The following RGS6 variants were observed in gnomAD, a reference collection of about 807,000 sequenced individuals.
The protein encoded by RGS6 is regulator of G-protein signaling 6.
In RGS6, 30 loss-of-function variants were observed where a neutral mutation model predicts 78.5. The observed-to-expected ratio is 0.38, with a 90% CI of 0.29 to 0.52. RGS6 has a LOEUF of 0.52. Ranked by LOEUF, RGS6 falls within the 20% of genes least tolerant of loss-of-function variation. RGS6 has a pLI of 0.85. For synonymous variants in RGS6, 206 were observed against 206.0 expected, an observed-to-expected ratio of 1.00 and a Z score of 0.00; for missense variants, 495 against 609.7, an observed-to-expected ratio of 0.81 and a Z score of 1.98.
intron 2 of RGS6, among the ~76,000 whole-genome samples, chr14:72,039,903 A>G (rs1450233784): frequency 4.8e-5 from 6 of 126,038 alleles, no homozygotes; most frequent in Admixed American, 2.9e-4. Flanking sequence ...TGCGGTTGCT[A>G]TGGAGATTAC....
intron 2 of RGS6, among the ~76,000 whole-genome samples, chr14:72,274,386 A>T (rs2060369557): frequency 6.6e-6 from 1 of 152,144 alleles, no homozygotes; most frequent in Non-Finnish European, 1.5e-5. Flanking sequence ...CCATCAGGTC[A>T]TCAGTGACAT....
At chr14:72,589,092 G>T in the RGS6 span, among the ~76,000 whole-genome samples, 5 of 152,184 alleles carry the variant, frequency 3.3e-5, no homozygotes, top group Non-Finnish European at 7.4e-5. Flanking sequence ...TGAACACTTG[G>T]AAGGATGTCT....
intron 17 of RGS6, among the ~76,000 whole-genome samples, chr14:72,556,660 C>T (rs10141406): frequency 0.016 from 1,737 of 108,722 alleles, 39 homozygotes; most frequent in African/African-American, 0.06. Context: ...CTTTATACCA[C>T]TGTACATGAG....
intron 2 of RGS6, among the ~76,000 whole-genome samples, chr14:72,159,037 G>A (rs746045184): frequency 3.3e-5 from 5 of 152,238 alleles, no homozygotes; most frequent in Non-Finnish European, 5.9e-5. Flanking sequence ...AGTGCTTAGA[G>A]TAGTGTCTTG....
At chr14:71,934,814 C>A (rs1018194086) in intron 1 of RGS6, among the ~76,000 whole-genome samples, 3 of 152,196 alleles carry the variant, frequency 2.0e-5, no homozygotes, top group South Asian at 4.1e-4. Flanking sequence ...TGTCTCTCAT[C>A]TTCTCCCATG....
At chr14:72,104,229 C>A (rs149231507) in intron 2 of RGS6, among the ~76,000 whole-genome samples, 1 of 152,132 alleles carries the variant, frequency 6.6e-6, no homozygotes, top group Non-Finnish European at 1.5e-5. Context: ...GTCGGGGATC[C>A]CCAGCTGTCC....
chr14:72,547,258 T>C, intron 17 of RGS6: 1 of 1,535,624 alleles, frequency 6.5e-7, no homozygotes, highest in Non-Finnish European at 8.7e-7. Flanking sequence ...GCGACAGCAC[T>C]GCCAATGTCA....
At chr14:72,533,813 A>C (rs2097211772) in intron 15 of RGS6, among the ~76,000 whole-genome samples, 1 of 152,252 alleles carries the variant, frequency 6.6e-6, no homozygotes. Context: ...CTTCATAATA[A>C]AACTTTAATG....
chr14:72,035,028 A>G (rs2091477863), intron 2 of RGS6, among the ~76,000 whole-genome samples: 1 of 152,128 alleles, frequency 6.6e-6, no homozygotes, highest in Non-Finnish European at 1.5e-5. Context: ...CAGAACTTAA[A>G]TCATCCCTTT....
chr14:72,481,894 C>T (rs541537958), intron 12 of RGS6, among the ~76,000 whole-genome samples: 2 of 151,086 alleles, frequency 1.3e-5, no homozygotes, highest in African/African-American at 2.4e-5. Context: ...CTGCAAGCTC[C>T]GCCTCCCGGG....
At chr14:72,191,335 A>G (rs971146338) in intron 2 of RGS6, among the ~76,000 whole-genome samples, 10 of 152,224 alleles carry the variant, frequency 6.6e-5, no homozygotes, top group African/African-American at 2.4e-4. Flanking sequence ...TTGAGAGGCC[A>G]CTGCAGCACG....
At chr14:72,384,392 C>A (rs1348346180) in intron 3 of RGS6, among the ~76,000 whole-genome samples, 3 of 152,118 alleles carry the variant, frequency 2.0e-5, no homozygotes, top group Admixed American at 6.5e-5. Flanking sequence ...TTAGAAGTAT[C>A]TTTTAAAATG....
chr14:72,397,638 G>A (rs1229754486), intron 3 of RGS6, among the ~76,000 whole-genome samples: 1 of 152,192 alleles, frequency 6.6e-6, no homozygotes, highest in Non-Finnish European at 1.5e-5. Flanking sequence ...CGTTTCCAAA[G>A]GGAATGCTTC....
At chr14:72,612,991 GGCGTGT>G in the RGS6 span, among the ~76,000 whole-genome samples, 2 of 71,078 alleles carry the variant, frequency 2.8e-5, no homozygotes, top group South Asian at 6.7e-4. Flanking sequence ...CATTAAGTAG[GGCGTGT>G]GTGTGTGTGT....
At chr14:72,468,245 G>A (rs2095975720) in intron 7 of RGS6, among the ~76,000 whole-genome samples, 1 of 152,102 alleles carries the variant, frequency 6.6e-6, no homozygotes, top group South Asian at 2.1e-4. Flanking sequence ...CAGGCCTAGT[G>A]GCACACGCCT....
At chr14:71,950,504 AGG>A (rs1424807714) in intron 1 of RGS6, among the ~76,000 whole-genome samples, 1 of 152,244 alleles carries the variant, frequency 6.6e-6, no homozygotes. Flanking sequence ...TTCAGGACAT[AGG>A]CACAGGCAAA....
intron 3 of RGS6, 136 bp from the exon 4 acceptor site, chr14:72,454,392 A>T: frequency 1.2e-6 from 1 of 802,546 alleles, no homozygotes; most frequent in Non-Finnish European, 2.1e-6. Context: ...TGGTTAGGAC[A>T]AAAAAAAGTG....
chr14:72,087,091 C>G (rs950140722), intron 2 of RGS6, among the ~76,000 whole-genome samples: 1 of 152,136 alleles, frequency 6.6e-6, no homozygotes, highest in Admixed American at 6.5e-5. Context: ...TTGCCTCTTT[C>G]ATCAGATAAG....
the RGS6 span, among the ~76,000 whole-genome samples, chr14:72,623,642 G>A: frequency 6.6e-6 from 1 of 152,186 alleles, no homozygotes; most frequent in Non-Finnish European, 1.5e-5. Flanking sequence ...AGAAATGTAG[G>A]CCAATGAAGT....
Sources: gnomAD v4.1 joint callset for allele counts (sites outside exome capture counted in the v4.1 genomes callset) on GRCh38, gnomAD v4.1.1 for gene constraint, MANE v1.5 for transcripts, NCBI Gene and HGNC (gene_info 2026-07-23, HGNC 2026-07-21) for gene names.